The following GLE1 variants were observed in gnomAD, a reference collection of about 807,000 sequenced individuals.
GLE1 encodes the protein GLE1 RNA export mediator.
A neutral mutation model predicts 97.3 loss-of-function variants in GLE1; 78 were observed. That is an observed-to-expected ratio of 0.80 (90% confidence interval 0.67 to 0.97). The LOEUF (loss-of-function observed/expected upper bound fraction) is 0.97, where lower values mean the gene tolerates loss of function less well. GLE1 is among the 50% of genes least tolerant of loss of function. The pLI is 0.00. For missense variants in GLE1, 753 were observed against 857.5 expected (o/e 0.88, Z 1.52); for synonymous variants, 302 against 313.4 (o/e 0.96, Z 0.39).
chr9:128,516,781 C>T lies in GLE1; in HGVS notation c.432+1142C>T, dbSNP rs375858907. Among the ~76,000 whole-genome samples the T allele has an allele frequency of 1.7e-4, 26 of 151,978 alleles. No individual in the cohort carries two copies. The East Asian group carries it at 2.3e-3, about 14-fold the overall frequency. ...CTGAGATTACAGGCGCCTGCCACCA[C>T]GCCTGGCTAATTTTTGTATTTTTTA... On this transcript the variant is annotated intron_variant, in intron 3 of 15. Coordinates refer to ENST00000309971, the MANE Select transcript of GLE1 (RefSeq NM_001003722.2).
chr9:128,530,801 C>A (rs562447097), intron 9 of GLE1, among the ~76,000 whole-genome samples: 141 of 151,534 alleles, frequency 9.3e-4, no homozygotes, highest in African/African-American at 3.2e-3. Context: ...CCTAGCTACT[C>A]CGGAGGCTGA....
intron 14 of GLE1, 63 bp from the exon 15 acceptor site, chr9:128,540,212 C>A: frequency 2.7e-6 from 3 of 1,107,816 alleles, no homozygotes; most frequent in Non-Finnish European, 4.2e-6. Context: ...CAGAGTGAGA[C>A]ACCGTTTCCA....
intron 2 of GLE1, among the ~76,000 whole-genome samples, chr9:128,510,221 C>G (rs1413497340): frequency 6.6e-6 from 1 of 151,396 alleles, no homozygotes; most frequent in African/African-American, 2.4e-5. Flanking sequence ...CCATACTTGG[C>G]TATTTTCTTT....
At chr9:128,531,805 C>A in intron 9 of GLE1, among the ~76,000 whole-genome samples, 1 of 134,392 alleles carries the variant, frequency 7.4e-6, no homozygotes, top group Admixed American at 8.5e-5. Flanking sequence ...GCACTCTAGC[C>A]TGGGTGACAG....
At chr9:128,537,570 G>A (rs1005258901) in intron 12 of GLE1, among the ~76,000 whole-genome samples, 2 of 151,490 alleles carry the variant, frequency 1.3e-5, no homozygotes, top group Admixed American at 6.6e-5. Context: ...TTAGGAAGCC[G>A]AGACAGGTGG....
At chr9:128,525,045 TAAGAG>T (rs1847262543) in intron 6 of GLE1, 142 bp from the exon 7 acceptor site, 1 of 710,398 alleles carries the variant, frequency 1.4e-6, no homozygotes, top group Admixed American at 2.0e-5. Flanking sequence ...TTAATACCTT[TAAGAG>T]AACAGGGAAA....
intron 4 of GLE1, 140 bp from the exon 5 acceptor site, chr9:128,523,140 C>G (rs1847201418): frequency 3.9e-6 from 3 of 764,844 alleles, no homozygotes; most frequent in Non-Finnish European, 4.7e-6. Flanking sequence ...GCTCTGCAGC[C>G]TGGGCAACAT....
chr9:128,522,839 T>G (rs1447556155), intron 4 of GLE1, 23 bp downstream of exon 4: 2 of 1,612,072 alleles, frequency 1.2e-6, no homozygotes, highest in African/African-American at 2.7e-5. Context: ...GAATTATGAC[T>G]GGGAATGTTG....
intron 1 of GLE1, among the ~76,000 whole-genome samples, chr9:128,507,843 G>A (rs1191440962): frequency 2.7e-5 from 4 of 148,700 alleles, no homozygotes; most frequent in Non-Finnish European, 4.5e-5. Flanking sequence ...AGCTGAGATC[G>A]TGCCACTGCA....
At chr9:128,541,072 A>G in intron 15 of GLE1, 30 bp from the exon 16 acceptor site, 1 of 1,249,412 alleles carries the variant, frequency 8.0e-7, no homozygotes, top group Non-Finnish European at 1.2e-6. Flanking sequence ...TCAGAAACTC[A>G]TTCTGTTTTC....
intron 2 of GLE1, among the ~76,000 whole-genome samples, chr9:128,509,651 CAAA>C (rs200898903): frequency 5.6e-5 from 7 of 126,012 alleles, no homozygotes; most frequent in Admixed American, 8.3e-5. Context: ...CTCCTAAACG[CAAA>C]AAAAAAAAAA....
chr9:128,505,911 G>A (rs532633733), intron 1 of GLE1, among the ~76,000 whole-genome samples: 1 of 152,146 alleles, frequency 6.6e-6, no homozygotes, highest in African/African-American at 2.4e-5. Context: ...CTTTATATCC[G>A]CTATTCCTTC....
chr9:128,521,768 T>C (rs1847159501), intron 3 of GLE1, among the ~76,000 whole-genome samples: 2 of 152,194 alleles, frequency 1.3e-5, no homozygotes, highest in Non-Finnish European at 2.9e-5. Context: ...CTTGTACATA[T>C]ATCTTTGCAC....
In GLE1 at chr9:128,541,802, A is replaced by G. The variant is rs1401904710; in HGVS notation, c.*632A>G. 1 of 152,284 alleles carries G rather than the reference A, an allele frequency of 6.6e-6. No individual in the cohort carries two copies. The highest frequency in any genetic ancestry group is 1.5e-5 in the Non-Finnish European group (1 of 68,104). The allele number at this position is 152,284 out of a possible 1,614,324, so 9.4% of individuals were successfully genotyped here. The stretch of plus-strand genomic sequence containing the variant: ...CTGGAAACACATGTCATTTTGAACT[A>G]AGGGAAACTCTTTGTCATCCTAATT... On this transcript the variant is annotated 3_prime_UTR_variant, in exon 16 of 16. Coordinates refer to ENST00000309971, the MANE Select transcript of GLE1 (RefSeq NM_001003722.2).
chr9:128,532,009 A>G (rs1274377289), intron 9 of GLE1, among the ~76,000 whole-genome samples: 1 of 150,686 alleles, frequency 6.6e-6, no homozygotes, highest in East Asian at 1.9e-4. Flanking sequence ...TAGATGGGGC[A>G]TTCAGCCAGT....
In GLE1 at chr9:128,541,552, C is replaced by T; in HGVS notation, c.*382C>T. ...CCACCATTTGCACCCACCTACCCACCCTCACCCCTGTTCAGATGAATTTCC... is the reference window on the plus strand; with the variant it reads ...CCACCATTTGCACCCACCTACCCACTCTCACCCCTGTTCAGATGAATTTCC... On this transcript the variant is annotated 3_prime_UTR_variant, in exon 16 of 16. Transcript: ENST00000309971. 3.7e-6 allele frequency: 1 copy of T among 268,872 alleles called. No individual in the cohort carries two copies. The highest frequency in any genetic ancestry group is 7.2e-6 in the Non-Finnish European group (1 of 138,354). 16.7% of individuals were successfully genotyped at this position (268,872 alleles called of 1,614,324 possible). A position where few individuals can be genotyped will look rare whatever the true frequency, so the allele number is the denominator to read the frequency against.
chr9:128,526,247 C>T (rs1055174941), intron 7 of GLE1, among the ~76,000 whole-genome samples: 1 of 151,894 alleles, frequency 6.6e-6, no homozygotes, highest in Non-Finnish European at 1.5e-5. Context: ...GTCTCAAACT[C>T]CTGACCTCAT....
chr9:128,541,202 G>T lies in GLE1; in HGVS notation c.*32G>T. 8.4e-7 allele frequency: 1 copy of T among 1,190,272 alleles called. No homozygotes were observed. Among genetic ancestry groups the T allele is most frequent in the Non-Finnish European group, 1.3e-6 (1 of 792,510 alleles). The allele number at this position is 1,190,272 out of a possible 1,614,324, so 73.7% of individuals were successfully genotyped here. On this transcript the variant is annotated 3_prime_UTR_variant, in exon 16 of 16. Transcript: ENST00000309971. Reference sequence around the variant, plus strand: ...TCCATCACCCACCATCACCGCTGCTGCAAAGAGGCAATAATAAAGGAACTG... The same window carrying T: ...TCCATCACCCACCATCACCGCTGCTTCAAAGAGGCAATAATAAAGGAACTG...
chr9:128,533,180 T>C (rs929417282), intron 9 of GLE1, among the ~76,000 whole-genome samples: 2 of 151,956 alleles, frequency 1.3e-5, no homozygotes, highest in African/African-American at 4.8e-5. Flanking sequence ...TCCCAGCACT[T>C]TGGGAGGCCA....
Sources: gnomAD v4.1 joint callset for allele counts (sites outside exome capture counted in the v4.1 genomes callset) on GRCh38, gnomAD v4.1.1 for gene constraint, MANE v1.5 for transcripts, NCBI Gene and HGNC (gene_info 2026-07-23, HGNC 2026-07-21) for gene names.